Variants in KNSTRN observed in about 807,000 individuals in gnomAD.
The protein encoded by KNSTRN is kinetochore localized astrin (SPAG5) binding protein, also known as small kinetochore-associated protein.
A neutral mutation model predicts 44.7 loss-of-function variants in KNSTRN; 38 were observed. The observed-to-expected ratio is 0.85, with a 90% CI of 0.66 to 1.11. KNSTRN has a LOEUF of 1.11. Among genes scored for constraint, KNSTRN ranks in the 50% most tolerant of loss-of-function variants. KNSTRN has a pLI of 0.00. For missense variants in KNSTRN, 406 were observed against 375.8 expected (o/e 1.08, Z -0.66); for synonymous variants, 158 against 148.1 (o/e 1.07, Z -0.48).
intron 4 of KNSTRN, among the ~76,000 whole-genome samples, chr15:40,387,965 G>A (rs779003865): frequency 6.6e-5 from 10 of 152,298 alleles, no homozygotes; most frequent in East Asian, 1.9e-4. Context: ...CCAAGATCAC[G>A]TCATTGCATT....
intron 8 of KNSTRN, 194 bp from the exon 9 acceptor site, chr15:40,393,275 T>G: frequency 6.2e-7 from 1 of 1,612,594 alleles, no homozygotes. Context: ...CTAGTCCCTC[T>G]CTACTACTAG....
rs189363806 is a variant in KNSTRN at position 40,384,179 on chromosome 15, C to G, written c.304+857C>G. The G allele has an allele frequency of 2.4e-3, 581 of 243,992 alleles. 8 individuals carry two copies. The highest frequency in any genetic ancestry group is 9.5e-4 in the Non-Finnish European group (114 of 120,476). 15.1% of individuals were successfully genotyped at this position (243,992 alleles called of 1,614,324 possible). A position where few individuals can be genotyped will look rare whatever the true frequency, so the allele number is the denominator to read the frequency against. ...ACGAGGTCAGGAGATGGAGACCATC[C>G]TGGCTAACACGGTGAAGCACCGTCT... On this transcript the variant is annotated intron_variant, in intron 2 of 8. Coordinates refer to ENST00000249776, the MANE Select transcript of KNSTRN (RefSeq NM_033286.4).
chr15:40,386,324 A>T (rs367716458), intron 2 of KNSTRN, 38 bp from the exon 3 acceptor site: 3 of 1,601,530 alleles, frequency 1.9e-6, no homozygotes, highest in South Asian at 1.1e-5. Flanking sequence ...CTGTCGGGTC[A>T]TGATGCCAGA....
chr15:40,388,676 C>T (rs1374825934), intron 4 of KNSTRN, among the ~76,000 whole-genome samples: 7 of 148,250 alleles, frequency 4.7e-5, no homozygotes, highest in Non-Finnish European at 8.9e-5. Flanking sequence ...GCCTGGGCGA[C>T]GGAGCGAGAC....
At chr15:40,391,460 C>T (rs1479699027) in intron 6 of KNSTRN, 33 bp from the exon 7 acceptor site, 1 of 1,588,792 alleles carries the variant, frequency 6.3e-7, no homozygotes, top group Non-Finnish European at 8.6e-7. Context: ...TGTGTAGTTC[C>T]CTAAGTGAGA....
At chr15:40,387,857 A>G (rs989265944) in intron 4 of KNSTRN, among the ~76,000 whole-genome samples, 3 of 151,958 alleles carry the variant, frequency 2.0e-5, no homozygotes, top group Non-Finnish European at 4.4e-5. Context: ...AAAATACAAA[A>G]ATTAGCCAGG....
At position 40,393,707 on chromosome 15, in the gene KNSTRN, AAAC is replaced by A; in HGVS notation, c.*113_*115del. Reference sequence around the variant, plus strand: ...CTGGGACTCACCATCTCCAGAATGAAAACAATTTCTACAGTAGACTTAAGGACA... The same window carrying A: ...CTGGGACTCACCATCTCCAGAATGAAAATTTCTACAGTAGACTTAAGGACA... On this transcript the variant is annotated 3_prime_UTR_variant, in exon 9 of 9. Coordinates refer to ENST00000249776, the MANE Select transcript of KNSTRN (RefSeq NM_033286.4). 1 of 1,027,630 alleles carries A rather than the reference AAAC, an allele frequency of 9.7e-7. No individual in the cohort carries two copies. The allele number at this position is 1,027,630 out of a possible 1,614,324, so 63.7% of individuals were successfully genotyped here.
intron 4 of KNSTRN, among the ~76,000 whole-genome samples, chr15:40,387,981 C>G (rs1889930290): frequency 6.6e-6 from 1 of 152,192 alleles, no homozygotes; most frequent in Non-Finnish European, 1.5e-5. Context: ...GCATTCCAGC[C>G]TGGGTGACAG....
chr15:40,385,690 A>G (rs1889889518), intron 2 of KNSTRN, among the ~76,000 whole-genome samples: 1 of 152,200 alleles, frequency 6.6e-6, no homozygotes, highest in Non-Finnish European at 1.5e-5. Context: ...GTCATGCCTT[A>G]GGAGAGTGTG....
intron 3 of KNSTRN, 143 bp downstream of exon 3, chr15:40,386,637 T>TCTG: frequency 1.3e-6 from 1 of 762,932 alleles, no homozygotes; most frequent in Non-Finnish European, 2.1e-6. Context: ...GCAGCATTGC[T>TCTG]GAGCTCTGTG....
At chr15:40,392,303 T>C (rs1260296023) in intron 8 of KNSTRN, among the ~76,000 whole-genome samples, 4 of 152,096 alleles carry the variant, frequency 2.6e-5, no homozygotes, top group African/African-American at 9.7e-5. Context: ...CACCTAGGTA[T>C]TGAGCCCAGC....
rs774499908 is a variant in KNSTRN, at chr15:40,382,883, A to G, written c.48A>G (p.Thr16=). ...APPLDRVFRT[T]WLSTECDSHP... ...CCCTGGACAGAGTTTTCCGTACAAC[A>G]TGGCTGTCTACAGAGTGCGATTCCC... The change falls in exon 1 of 9, where the codon ACA becomes ACG. Residue 16 remains threonine (T), a synonymous_variant. Coordinates refer to ENST00000249776, the MANE Select transcript of KNSTRN (RefSeq NM_033286.4). The G allele has an allele frequency of 6.8e-6, 11 of 1,612,134 alleles. No homozygotes were observed. Among genetic ancestry groups the G allele is most frequent in the East Asian group, 2.2e-5 (1 of 44,892 alleles).
chr15:40,382,995 CTT>C lies in KNSTRN; in HGVS notation c.163_164del (p.Leu55LysfsTer29), dbSNP rs1474438794. Reference protein sequence around the residue: ...AGGTTVAAGNLLNESEKDCGQ... With the variant: ...AGGTTVAAGNXLNESEKDCGQ... ...TGGCACGACAGTTGCTGCAGGGAAT[CTT>C]TTAAACGAGAGCGAGAAGGACTGCG... On this transcript the variant is annotated frameshift_variant, in exon 1 of 9. Coordinates refer to ENST00000249776, the MANE Select transcript of KNSTRN (RefSeq NM_033286.4). LOFTEE classifies it high-confidence loss of function. The C allele has an allele frequency of 4.3e-6, 7 of 1,611,966 alleles. No homozygotes were observed. The highest frequency in any genetic ancestry group is 5.9e-6 in the Non-Finnish European group (7 of 1,180,038).
chr15:40,386,271 T>C, intron 2 of KNSTRN, 91 bp from the exon 3 acceptor site: 1 of 1,296,666 alleles, frequency 7.7e-7, no homozygotes, highest in Non-Finnish European at 1.1e-6. Context: ...AATAAAGATT[T>C]ATGACAACTT....
At chr15:40,388,195 C>G (rs570951328) in intron 4 of KNSTRN, among the ~76,000 whole-genome samples, 3 of 152,294 alleles carry the variant, frequency 2.0e-5, no homozygotes, top group African/African-American at 7.2e-5. Flanking sequence ...GTCTCACAGC[C>G]TTCAGAGCTG....
chr15:40,386,073 T>C lies in KNSTRN; in HGVS notation c.305-289T>C, dbSNP rs1455893612. Among the ~76,000 whole-genome samples the C allele has an allele frequency of 2.0e-5, 3 of 152,262 alleles. No homozygotes were observed. In the South Asian group the frequency reaches 6.2e-4, roughly 32 times the overall value. On this transcript the variant is annotated intron_variant, in intron 2 of 8. Coordinates refer to ENST00000249776, the MANE Select transcript of KNSTRN (RefSeq NM_033286.4). ...CAACATAGTGAGACCCTGTCTCTAT[T>C]TTTAAAATTTTAAAACATATTTGAG... is the stretch of plus-strand genomic sequence containing the variant.
At position 40,382,805 on chromosome 15, in the gene KNSTRN, C is replaced by A; in HGVS notation, c.-31C>A. The A allele has an allele frequency of 6.9e-6, 11 of 1,594,954 alleles. No homozygotes were observed. The highest frequency in any genetic ancestry group is 9.4e-6 in the Non-Finnish European group (11 of 1,170,148). On this transcript the variant is annotated 5_prime_UTR_variant, in exon 1 of 9. Transcript: ENST00000249776. Reference sequence around the variant, plus strand: ...CTCCAACACCTTTCGCTAGGTCTGGCTCTGGCCTCTGAGCGAACCTTCCGT... The same window carrying A: ...CTCCAACACCTTTCGCTAGGTCTGGATCTGGCCTCTGAGCGAACCTTCCGT...
chr15:40,386,570 T>C, intron 3 of KNSTRN, 76 bp downstream of exon 3: 1 of 1,517,090 alleles, frequency 6.6e-7, no homozygotes, highest in Admixed American at 1.8e-5. Context: ...GAAAACAGAG[T>C]TTTGGACAAC....
rs2141276501 is a variant in KNSTRN at position 40,391,987 on chromosome 15, T to C, written c.786T>C (p.Phe262=). 1 of 1,611,796 alleles carries C rather than the reference T, an allele frequency of 6.2e-7. No homozygotes were observed. Among genetic ancestry groups the C allele is most frequent in the South Asian group, 1.1e-5 (1 of 90,662 alleles). ...CTTTGCAAGAGGAGCTGAAGCTTTT[T>C]AACGAAACAGCCAAAAAGCAGATGG... ...LETLQEELKL[F]NETAKKQMEE... The change falls in exon 8 of 9, where the codon TTT becomes TTC. Residue 262 remains phenylalanine, a synonymous_variant. Coordinates refer to ENST00000249776, the MANE Select transcript of KNSTRN (RefSeq NM_033286.4).
Sources: gnomAD v4.1 joint callset for allele counts (sites outside exome capture counted in the v4.1 genomes callset) on GRCh38, gnomAD v4.1.1 for gene constraint, MANE v1.5 for transcripts, NCBI Gene and HGNC (gene_info 2026-07-23, HGNC 2026-07-21) for gene names.